WIPI2: variants seen among roughly 807,000 people sequenced by gnomAD.
WIPI2 encodes the protein WD repeat domain, phosphoinositide interacting 2, also known as WD repeat domain phosphoinositide-interacting protein 2.
In WIPI2, 28 loss-of-function variants were observed where a neutral mutation model predicts 52.3. That is an observed-to-expected ratio of 0.54 (90% CI 0.40 to 0.73). The LOEUF is 0.73. Among genes scored for constraint, WIPI2 ranks in the 30% least tolerant of loss-of-function variants. WIPI2 has a pLI of 0.00. For synonymous variants in WIPI2, 268 were observed against 245.0 expected, an observed-to-expected ratio of 1.09 and a Z score of -0.88; for missense variants, 506 against 602.9, an observed-to-expected ratio of 0.84 and a Z score of 1.68.
At chr7:5,228,911 T>C (rs111876976) in intron 11 of WIPI2, among the ~76,000 whole-genome samples, 2 of 151,852 alleles carry the variant, frequency 1.3e-5, no homozygotes, top group African/African-American at 4.8e-5. Flanking sequence ...TTGTGCAGGG[T>C]CTTGCTAGGT....
chr7:5,218,287 G>A lies in WIPI2; in HGVS notation c.669+273G>A, dbSNP rs113628260. 2.2e-4 allele frequency: 80 copies of A among 360,058 alleles called. 1 individual carries two copies. Among genetic ancestry groups the A allele is most frequent in the African/African-American group, 1.3e-3 (65 of 48,322 alleles). The allele number at this position is 360,058 out of a possible 1,614,324, so 22.3% of individuals were successfully genotyped here. The stretch of plus-strand genomic sequence containing the variant: ...CAGAAGTGCCGTGTGTAACCACACC[G>A]CTCACCCAGTGTGTTTCTAAATGAT... On this transcript the variant is annotated intron_variant, in intron 7 of 12. Coordinates refer to ENST00000288828, the MANE Select transcript of WIPI2 (RefSeq NM_015610.4).
intron 12 of WIPI2, among the ~76,000 whole-genome samples, chr7:5,229,998 C>T (rs1278593233): frequency 6.6e-6 from 1 of 151,158 alleles, no homozygotes; most frequent in African/African-American, 2.4e-5. Context: ...TCAAACTCCT[C>T]CTGGGCTCAA....
intron 7 of WIPI2, among the ~76,000 whole-genome samples, chr7:5,220,785 TTTTCTTTCTTTC>T (rs573638340): frequency 1.3e-5 from 2 of 151,606 alleles, no homozygotes; most frequent in East Asian, 2.0e-4. Flanking sequence ...TTAGATAGTC[TTTTCTTTCTTTC>T]TTTCTTTCTT....
At chr7:5,196,054 CTT>C (rs1244973096) in intron 2 of WIPI2, among the ~76,000 whole-genome samples, 3 of 149,892 alleles carry the variant, frequency 2.0e-5, no homozygotes, top group Non-Finnish European at 4.4e-5. Context: ...AAAAACTTAT[CTT>C]TTGCTGGGCG....
intron 3 of WIPI2, among the ~76,000 whole-genome samples, chr7:5,208,187 T>A (rs1782383930): frequency 6.6e-6 from 1 of 152,250 alleles, no homozygotes; most frequent in African/African-American, 2.4e-5. Flanking sequence ...AACATTTTCA[T>A]GTGCTTGTTG....
intron 2 of WIPI2, among the ~76,000 whole-genome samples, chr7:5,194,086 G>C (rs139184964): frequency 6.6e-6 from 1 of 152,208 alleles, no homozygotes; most frequent in Non-Finnish European, 1.5e-5. Context: ...GTGACGCCCA[G>C]TTTCTGGCTT....
intron 1 of WIPI2, chr7:5,190,772 C>A: frequency 3.2e-6 from 1 of 314,986 alleles, no homozygotes; most frequent in Non-Finnish European, 5.8e-6. Flanking sequence ...TGGCTTCAGA[C>A]TTAACTACTT....
Position 5,227,183 on chromosome 7 carries a change from C to G in WIPI2, c.852C>G (p.Pro284=), listed in dbSNP as rs373703272. 6.8e-6 allele frequency: 11 copies of G among 1,613,754 alleles called. No homozygotes were observed. Among genetic ancestry groups the G allele is most frequent in the African/African-American group, 1.3e-5 (1 of 74,912 alleles). ...GTCTGGTGGCCTTTCCTTCCAGACC[C>G]CCAGAGGAGCCCACCACCTGGACCG... ...IFKLETVKEK[P]PEEPTTWTGY... Residue 284 remains proline, a synonymous_variant, in exon 10 of 13, where the codon CCC becomes CCG. Transcript: ENST00000288828. This position sits in a 1 kb window ranked among gnomAD's most constrained non-coding sequence, Gnocchi z 8.1.
At chr7:5,221,423 A>G (rs1294239224) in intron 7 of WIPI2, among the ~76,000 whole-genome samples, 3 of 152,176 alleles carry the variant, frequency 2.0e-5, no homozygotes, top group African/African-American at 7.2e-5. Flanking sequence ...ACCTCCTAAA[A>G]TTTGTATAGT....
chr7:5,216,034 C>T (rs1178506134), intron 4 of WIPI2: 2 of 153,576 alleles, frequency 1.3e-5, no homozygotes, highest in African/African-American at 4.8e-5. Flanking sequence ...TAACACTAAA[C>T]TAAATGGCCT....
intron 8 of WIPI2, among the ~76,000 whole-genome samples, chr7:5,225,506 T>C (rs567421437): frequency 6.6e-6 from 1 of 152,338 alleles, no homozygotes; most frequent in East Asian, 1.9e-4. Context: ...AGAATGGCTG[T>C]AACTTAAATT....
intron 3 of WIPI2, among the ~76,000 whole-genome samples, chr7:5,210,375 C>T (rs1307048595): frequency 6.6e-6 from 1 of 152,262 alleles, no homozygotes; most frequent in Non-Finnish European, 1.5e-5. Context: ...CTTCCCTCCT[C>T]TGCAGTGCTG....
chr7:5,214,169 G>C, intron 3 of WIPI2: 1 of 944,330 alleles, frequency 1.1e-6, no homozygotes, highest in Non-Finnish European at 1.4e-6. Context: ...AGCAATTGCA[G>C]TTTCGTAGTA....
intron 2 of WIPI2, among the ~76,000 whole-genome samples, chr7:5,196,921 G>A (rs542971987): frequency 6.6e-6 from 1 of 152,014 alleles, no homozygotes; most frequent in East Asian, 1.9e-4. Flanking sequence ...AGACCAGCCT[G>A]GCCAACATGG....
At chr7:5,198,135 C>T (rs1781841633) in intron 2 of WIPI2, among the ~76,000 whole-genome samples, 1 of 152,114 alleles carries the variant, frequency 6.6e-6, no homozygotes, top group African/African-American at 2.4e-5. Flanking sequence ...AACGACGGGG[C>T]CTTTGATTCC....
chr7:5,190,543 C>A, intron 1 of WIPI2, 50 bp downstream of exon 1: 2 of 1,401,918 alleles, frequency 1.4e-6, no homozygotes, highest in Non-Finnish European at 9.4e-7. Context: ...GGGTCGGACC[C>A]GGGCTAGGGG....
chr7:5,220,034 C>A (rs2115291739), intron 7 of WIPI2, among the ~76,000 whole-genome samples: 1 of 152,088 alleles, frequency 6.6e-6, no homozygotes, highest in African/African-American at 2.4e-5. Context: ...TGGGGTTTCA[C>A]CCTGTTGGCC....
intron 2 of WIPI2, among the ~76,000 whole-genome samples, chr7:5,197,256 A>G (rs1039426365): frequency 6.6e-6 from 1 of 151,714 alleles, no homozygotes; most frequent in Admixed American, 6.6e-5. Context: ...ACAGGAAGGT[A>G]TACAATTTAA....
At chr7:5,213,368 TC>T (rs1290743928) in intron 3 of WIPI2, 1 of 152,460 alleles carries the variant, frequency 6.6e-6, no homozygotes, top group Non-Finnish European at 1.5e-5. Context: ...TATGGCCCGT[TC>T]CATTTGAAGT....
Sources: gnomAD v4.1 joint callset for allele counts (sites outside exome capture counted in the v4.1 genomes callset) on GRCh38, gnomAD v4.1.1 for gene constraint, Gnocchi (gnomAD v3.1) non-coding constraint, MANE v1.5 for transcripts, NCBI Gene and HGNC (gene_info 2026-07-23, HGNC 2026-07-21) for gene names.